The following ZCCHC17 variants were observed in gnomAD, a reference collection of about 807,000 sequenced individuals.
ZCCHC17 encodes zinc finger CCHC domain-containing protein 17.
ZCCHC17 carries 18 observed loss-of-function variants against 30.6 expected under a neutral mutation model. That is an observed-to-expected ratio of 0.59 (90% CI 0.41 to 0.87). The LOEUF (loss-of-function observed/expected upper bound fraction) is 0.87, where lower values mean the gene tolerates loss of function less well. Among genes scored for constraint, ZCCHC17 ranks in the 40% least tolerant of loss-of-function variants. The pLI is 0.00. For missense variants in ZCCHC17, 263 were observed against 284.2 expected, an observed-to-expected ratio of 0.93 and a Z score of 0.54; for synonymous variants, 88 against 92.4, an observed-to-expected ratio of 0.95 and a Z score of 0.27.
chr1:31,318,731 A>G (rs3806255), intron 2 of ZCCHC17, among the ~76,000 whole-genome samples: 82,577 of 151,984 alleles, frequency 0.54, 23,339 homozygotes, highest in Non-Finnish European at 0.62. Context: ...CTAATATAAA[A>G]TATAACTTTA....
chr1:31,297,152 C>A, intron 1 of ZCCHC17, 77 bp downstream of exon 1: 1 of 402,930 alleles, frequency 2.5e-6, no homozygotes, highest in South Asian at 1.1e-4. Context: ...CTGAACCTGC[C>A]CTTCTCAGCT....
intron 3 of ZCCHC17, among the ~76,000 whole-genome samples, chr1:31,319,724 C>T (rs745791698): frequency 6.6e-6 from 1 of 152,182 alleles, no homozygotes; most frequent in East Asian, 1.9e-4. Flanking sequence ...AGTGATTTGG[C>T]TAGGTAGTGG....
chr1:31,334,349 G>C (rs1012090527), intron 3 of ZCCHC17, among the ~76,000 whole-genome samples: 41,942 of 79,526 alleles, frequency 0.53, 11,175 homozygotes, highest in Non-Finnish European at 0.65. Context: ...GTGTGTGTGT[G>C]TGTGTGTGTG....
intron 1 of ZCCHC17, among the ~76,000 whole-genome samples, chr1:31,306,311 A>G (rs1343394032): frequency 6.6e-6 from 1 of 152,118 alleles, no homozygotes; most frequent in Non-Finnish European, 1.5e-5. Flanking sequence ...TATTAAGTAA[A>G]GAAAGGATTA....
At chr1:31,317,369 T>C (rs995676459) in intron 2 of ZCCHC17, among the ~76,000 whole-genome samples, 9 of 152,214 alleles carry the variant, frequency 5.9e-5, no homozygotes, top group African/African-American at 2.2e-4. Context: ...CAGTCACTAA[T>C]CTTTTTGTGC....
intron 2 of ZCCHC17, among the ~76,000 whole-genome samples, chr1:31,311,092 A>G (rs969319647): frequency 6.6e-6 from 1 of 151,982 alleles, no homozygotes; most frequent in Non-Finnish European, 1.5e-5. Flanking sequence ...TTGTTTTTTA[A>G]TTCTTTTTTA....
rs146547241 is a variant in ZCCHC17 at position 31,310,103 on chromosome 1, A to C, written c.5A>C (p.Asn2Thr). The change falls in exon 2 of 8, where the codon AAT (asparagine) becomes ACT (threonine). Residue 2 changes from asparagine (N) to threonine (T), a missense_variant. By Grantham distance (65) the Asn-to-Thr change is moderately conservative (BLOSUM62 0). Coordinates refer to ENST00000344147, the MANE Select transcript of ZCCHC17 (RefSeq NM_016505.4). M[N>T]SGRPETMENL... ...AGGAGCCATAGAATATTAAGGATGAATTCAGGAAGGCCTGAGACCATGGAA... is the reference window on the plus strand; with the variant it reads ...AGGAGCCATAGAATATTAAGGATGACTTCAGGAAGGCCTGAGACCATGGAA... The C allele has an allele frequency of 1.1e-5, 18 of 1,613,986 alleles. No homozygotes were observed. The highest frequency in any genetic ancestry group is 1.4e-5 in the Non-Finnish European group (16 of 1,179,994).
At chr1:31,301,435 G>C (rs74309788) in intron 1 of ZCCHC17, among the ~76,000 whole-genome samples, 5,150 of 152,292 alleles carry the variant, frequency 0.034, 316 homozygotes, top group South Asian at 0.21. Context: ...ATAATTGCCT[G>C]TTTTATGGGA....
intron 4 of ZCCHC17, among the ~76,000 whole-genome samples, chr1:31,338,134 CTTTT>C (rs745793056): frequency 1.2e-4 from 15 of 126,354 alleles, no homozygotes; most frequent in Admixed American, 6.5e-4. Context: ...TAAACCTGGC[CTTTT>C]TTTTTTTTTT....
At chr1:31,314,676 A>G (rs1646687786) in intron 2 of ZCCHC17, among the ~76,000 whole-genome samples, 1 of 152,104 alleles carries the variant, frequency 6.6e-6, no homozygotes, top group Non-Finnish European at 1.5e-5. Flanking sequence ...TTGTACATAA[A>G]TGTGTGGAGG....
intron 2 of ZCCHC17, among the ~76,000 whole-genome samples, chr1:31,315,967 A>C (rs1646722159): frequency 6.6e-6 from 1 of 152,230 alleles, no homozygotes; most frequent in Non-Finnish European, 1.5e-5. Context: ...GGAGAGGCCA[A>C]ATTAAGGTCT....
chr1:31,297,068 G>A lies in ZCCHC17; in HGVS notation c.-63G>A, dbSNP rs1478879156. 2.3e-6 allele frequency: 1 copy of A among 443,816 alleles called. No individual in the cohort carries two copies. Among genetic ancestry groups the A allele is most frequent in the African/African-American group, 2.0e-5 (1 of 49,344 alleles). 27.5% of individuals were successfully genotyped at this position (443,816 alleles called of 1,614,324 possible). On this transcript the variant is annotated 5_prime_UTR_variant, in exon 1 of 8. Coordinates refer to ENST00000344147, the MANE Select transcript of ZCCHC17 (RefSeq NM_016505.4). ...CGCAGCGACTCGGGGACCTGGAGCTGACGCCTAGTACGTATGAGGAAGAAC... is the reference window on the plus strand; with the variant it reads ...CGCAGCGACTCGGGGACCTGGAGCTAACGCCTAGTACGTATGAGGAAGAAC...
intron 4 of ZCCHC17, 71 bp downstream of exon 4, chr1:31,337,346 T>G (rs1039535278): frequency 3.8e-6 from 5 of 1,328,256 alleles, no homozygotes; most frequent in Non-Finnish European, 5.4e-6. Flanking sequence ...TATTTTATGA[T>G]AGTGAGTGTG....
intron 5 of ZCCHC17, among the ~76,000 whole-genome samples, chr1:31,342,343 C>T (rs920959978): frequency 1.3e-5 from 2 of 152,166 alleles, no homozygotes. Flanking sequence ...TACCGCTCAG[C>T]CCTAGTTAGT....
At chr1:31,332,617 A>G (rs116618181) in intron 3 of ZCCHC17, among the ~76,000 whole-genome samples, 3,565 of 152,230 alleles carry the variant, frequency 0.023, 55 homozygotes, top group Middle Eastern at 0.075. Flanking sequence ...TATTACTACC[A>G]TACAGAGATA....
In ZCCHC17 at chr1:31,310,274, TAAATGGGAAG is replaced by T. The variant is rs1438794961; in HGVS notation, c.66+111_66+120del. On this transcript the variant is annotated intron_variant, in intron 2 of 7. Coordinates refer to ENST00000344147, the MANE Select transcript of ZCCHC17 (RefSeq NM_016505.4). ...TAAGTCTGTCTTGAGCATTACAGCT[TAAATGGGAAG>T]GGCCAGCGGAACATCTGGCAATCAC... 89 of 1,087,006 alleles carry T rather than the reference TAAATGGGAAG, an allele frequency of 8.2e-5. 1 individual carries two copies. The highest frequency in any genetic ancestry group is 4.8e-4 in the South Asian group (31 of 64,414). The allele number at this position is 1,087,006 out of a possible 1,614,324, so 67.3% of individuals were successfully genotyped here. A position where few individuals can be genotyped will look rare whatever the true frequency, so the allele number is the denominator to read the frequency against.
chr1:31,305,647 G>T (rs140405201), intron 1 of ZCCHC17, among the ~76,000 whole-genome samples: 20 of 151,546 alleles, frequency 1.3e-4, no homozygotes, highest in African/African-American at 4.8e-4. Context: ...TCGCTGTGTT[G>T]CCCAGGCTGG....
chr1:31,339,956 A>ATTTTTT (rs1258794486), intron 5 of ZCCHC17, among the ~76,000 whole-genome samples: 2 of 58,634 alleles, frequency 3.4e-5, no homozygotes, highest in South Asian at 4.5e-4. Context: ...TCTTTCTTGG[A>ATTTTTT]TTTCTTTTTT....
chr1:31,304,788 A>G (rs1434090023), intron 1 of ZCCHC17, among the ~76,000 whole-genome samples: 3 of 150,156 alleles, frequency 2.0e-5, no homozygotes, highest in Non-Finnish European at 1.5e-5. Flanking sequence ...GTAGAGATGG[A>G]GTTTCACTGT....
Sources: gnomAD v4.1 joint callset for allele counts (sites outside exome capture counted in the v4.1 genomes callset) on GRCh38, gnomAD v4.1.1 for gene constraint, MANE v1.5 for transcripts, NCBI Gene and HGNC (gene_info 2026-07-23, HGNC 2026-07-21) for gene names.